LPIN1: variants seen among roughly 807,000 people sequenced by gnomAD.
LPIN1 encodes phosphatidate phosphatase LPIN1.
LPIN1 carries 71 observed loss-of-function variants against 107.5 expected under a neutral mutation model. That is an observed-to-expected ratio of 0.66 (90% CI 0.55 to 0.80). The LOEUF (loss-of-function observed/expected upper bound fraction) is 0.80, where lower values mean the gene tolerates loss of function less well. Among genes scored for constraint, LPIN1 ranks in the 30% least tolerant of loss-of-function variants. The probability of loss-of-function intolerance (pLI) is 0.00; values close to 1 mark genes in which losing one functional copy is unlikely to be tolerated. For missense variants in LPIN1, 1,043 were observed against 1,160.6 expected (o/e 0.90, Z 1.47); for synonymous variants, 445 against 452.6 (o/e 0.98, Z 0.21).
chr2:11,680,305 A>G (rs1246782401), intron 1 of LPIN1, among the ~76,000 whole-genome samples: 1 of 152,170 alleles, frequency 6.6e-6, no homozygotes, highest in African/African-American at 2.4e-5. Context: ...GGCACCTGCT[A>G]AGTTGGCAGC....
intron 11 of LPIN1, among the ~76,000 whole-genome samples, chr2:11,788,034 A>T (rs895541212): frequency 3.3e-5 from 5 of 152,162 alleles, no homozygotes; most frequent in Non-Finnish European, 7.3e-5. Context: ...TTCTCCCTTA[A>T]GCCATGGATG....
intron 12 of LPIN1, 54 bp from the exon 13 acceptor site, chr2:11,791,860 G>A (rs1675800323): frequency 2.5e-6 from 4 of 1,597,208 alleles, no homozygotes; most frequent in Admixed American, 3.4e-5. Flanking sequence ...GTTTGAATGT[G>A]CTAAGTTGAT....
intron 18 of LPIN1, among the ~76,000 whole-genome samples, chr2:11,815,695 C>T (rs1179216159): frequency 2.0e-5 from 3 of 152,102 alleles, no homozygotes; most frequent in African/African-American, 4.8e-5. Context: ...GGCCTGTCTG[C>T]GAACCACCAT....
chr2:11,776,396 C>G (rs1672684708), intron 6 of LPIN1, among the ~76,000 whole-genome samples: 1 of 150,686 alleles, frequency 6.6e-6, no homozygotes, highest in African/African-American at 2.4e-5. Context: ...ATAGATTACT[C>G]TTTTCCTTTC....
chr2:11,703,755 C>T (rs941133414), intron 1 of LPIN1, among the ~76,000 whole-genome samples: 1 of 152,214 alleles, frequency 6.6e-6, no homozygotes, highest in Admixed American at 6.5e-5. Flanking sequence ...TCCTCCTCCC[C>T]CCACATACAT....
intron 1 of LPIN1, among the ~76,000 whole-genome samples, chr2:11,680,772 G>A (rs1161369264): frequency 6.6e-6 from 1 of 152,120 alleles, no homozygotes; most frequent in African/African-American, 2.4e-5. Flanking sequence ...TGGGGTGTGT[G>A]TGGTGACATT....
intron 1 of LPIN1, among the ~76,000 whole-genome samples, chr2:11,739,657 T>C (rs1319028545): frequency 6.6e-6 from 1 of 152,116 alleles, no homozygotes; most frequent in Non-Finnish European, 1.5e-5. Context: ...CACAACACTG[T>C]TTAAAGGAAT....
chr2:11,734,886 T>A lies in LPIN1; in HGVS notation c.-71-6463T>A, dbSNP rs190445910. On this transcript the variant is annotated intron_variant, in intron 1 of 21. Transcript: ENST00000396097. ...TTGCATGAGAGAGAATGCAAAAAAA[T>A]TTTTTGATTTGTATTTACCCTTGCG... Among the ~76,000 whole-genome samples, 186 of 152,222 alleles carry A rather than the reference T, an allele frequency of 1.2e-3. 1 individual carries two copies. The highest frequency in any genetic ancestry group is 4.3e-3 in the African/African-American group (180 of 41,530).
rs1353978546 is a variant in LPIN1 at position 11,826,898 on chromosome 2, T to A, written c.*2107T>A. On this transcript the variant is annotated 3_prime_UTR_variant, in exon 21 of 21. Transcript: ENST00000674199. ...CTTTCCAGAAAGTCACACTCTCAGA[T>A]CTGTGTCAAGTTCAATGTGAGCCCT... The A allele has an allele frequency of 4.6e-5, 7 of 152,566 alleles. No individual in the cohort carries two copies. Among genetic ancestry groups the A allele is most frequent in the Non-Finnish European group, 7.3e-5 (5 of 68,042 alleles). 9.5% of individuals were successfully genotyped at this position (152,566 alleles called of 1,614,324 possible).
At chr2:11,805,820 A>T (rs893492574) in intron 17 of LPIN1, among the ~76,000 whole-genome samples, 2 of 152,192 alleles carry the variant, frequency 1.3e-5, no homozygotes. Context: ...AACTAAAGTG[A>T]TTTATCCAAA....
At chr2:11,757,258 G>C (rs908645196) in intron 1 of LPIN1, among the ~76,000 whole-genome samples, 2 of 152,212 alleles carry the variant, frequency 1.3e-5, no homozygotes, top group Non-Finnish European at 2.9e-5. Context: ...TTTATCGTTT[G>C]TCACCCTTGA....
chr2:11,684,903 G>A (rs961598685), intron 1 of LPIN1, among the ~76,000 whole-genome samples: 59 of 151,464 alleles, frequency 3.9e-4, no homozygotes, highest in African/African-American at 1.2e-3. Flanking sequence ...CACTGTGGCC[G>A]GCACTCTTCT....
chr2:11,711,900 T>A (rs919960329), intron 1 of LPIN1, among the ~76,000 whole-genome samples: 2 of 152,234 alleles, frequency 1.3e-5, no homozygotes, highest in Non-Finnish European at 2.9e-5. Context: ...CTCACACTGC[T>A]CTGAGAGCCT....
intron 1 of LPIN1, among the ~76,000 whole-genome samples, chr2:11,764,819 G>C (rs141584768): frequency 6.6e-6 from 1 of 152,368 alleles, no homozygotes; most frequent in Non-Finnish European, 1.5e-5. Flanking sequence ...TTGAGATTTA[G>C]TGTGCAAAAC....
At chr2:11,687,084 A>T (rs1662048668) in intron 1 of LPIN1, among the ~76,000 whole-genome samples, 1 of 140,072 alleles carries the variant, frequency 7.1e-6, no homozygotes, top group Non-Finnish European at 1.5e-5. Context: ...TGCAGCCTCG[A>T]ATTCCTGGGC....
intron 1 of LPIN1, chr2:11,681,627 C>A (rs1051225775): frequency 1.3e-5 from 2 of 152,326 alleles, no homozygotes; most frequent in East Asian, 3.9e-4. Context: ...GGCTAGTACA[C>A]CCCCGTCGGC....
intron 1 of LPIN1, among the ~76,000 whole-genome samples, chr2:11,752,990 G>A (rs1668089559): frequency 6.6e-6 from 1 of 152,176 alleles, no homozygotes; most frequent in South Asian, 2.1e-4. Flanking sequence ...TGTCCTTTCT[G>A]GAACTGTATG....
chr2:11,763,383 ATGTGGGCAGG>A (rs1168529027), intron 1 of LPIN1: 1 of 153,134 alleles, frequency 6.5e-6, no homozygotes, highest in East Asian at 1.9e-4. Context: ...GTGGACAGTG[ATGTGGGCAGG>A]TGTGGACTGC....
chr2:11,712,040 T>G (rs1042738116), intron 1 of LPIN1, among the ~76,000 whole-genome samples: 2 of 152,230 alleles, frequency 1.3e-5, no homozygotes, highest in Admixed American at 6.5e-5. Context: ...AAAATGAAAC[T>G]GGCCGGCTTA....
Sources: allele counts gnomAD v4.1 joint callset (sites outside exome capture counted in the v4.1 genomes callset), GRCh38; gene constraint gnomAD v4.1.1; transcripts MANE v1.5; gene names NCBI Gene and HGNC (gene_info 2026-07-23, HGNC 2026-07-21).